Variants in EHHADH observed in about 807,000 individuals in gnomAD.
EHHADH encodes the protein peroxisomal bifunctional enzyme.
Under a neutral mutation model 64.4 loss-of-function variants are expected in EHHADH, and 48 were observed. The observed-to-expected ratio is 0.75, with a 90% CI of 0.59 to 0.95. The LOEUF is 0.95. EHHADH is among the 40% of genes least tolerant of loss of function. The pLI is 0.00. For missense variants in EHHADH, 854 were observed against 876.6 expected (o/e 0.97, Z 0.33); for synonymous variants, 308 against 326.7 (o/e 0.94, Z 0.62).
At chr3:185,198,750 G>A (rs1718142332) in intron 6 of EHHADH, among the ~76,000 whole-genome samples, 1 of 151,966 alleles carries the variant, frequency 6.6e-6, no homozygotes, top group Admixed American at 6.5e-5. Flanking sequence ...TCAGGAGGCT[G>A]AGGCACAAAG....
chr3:185,231,742 T>C (rs1719137411), intron 3 of EHHADH, among the ~76,000 whole-genome samples: 2 of 152,126 alleles, frequency 1.3e-5, no homozygotes, highest in South Asian at 2.1e-4. Context: ...ATATCCAGAA[T>C]AGGCAAATCT....
intron 2 of EHHADH, among the ~76,000 whole-genome samples, chr3:185,235,976 AT>A (rs558542026): frequency 2.0e-5 from 3 of 152,190 alleles, no homozygotes; most frequent in Non-Finnish European, 4.4e-5. Flanking sequence ...TTATATGTTA[AT>A]CAAGCAGCTT....
intron 2 of EHHADH, chr3:185,246,304 G>T: frequency 1.3e-6 from 1 of 777,460 alleles, no homozygotes; most frequent in Non-Finnish European, 2.1e-6. Flanking sequence ...TCCTCAGTTG[G>T]CTCTGGCTCC....
At chr3:185,240,633 C>G (rs2108649363) in intron 2 of EHHADH, among the ~76,000 whole-genome samples, 1 of 151,654 alleles carries the variant, frequency 6.6e-6, no homozygotes, top group South Asian at 2.1e-4. Context: ...TTTATAATTT[C>G]TAATTGTGTT....
chr3:185,235,109 G>A (rs1275975147), intron 3 of EHHADH, among the ~76,000 whole-genome samples, 181 bp downstream of exon 3: 4 of 151,164 alleles, frequency 2.6e-5, no homozygotes, highest in Non-Finnish European at 5.9e-5. Context: ...GAACTCGGGA[G>A]GTGGAGGTTG....
chr3:185,200,443 C>T (rs138852061), intron 6 of EHHADH, among the ~76,000 whole-genome samples: 9 of 152,300 alleles, frequency 5.9e-5, no homozygotes, highest in African/African-American at 1.9e-4. Context: ...GAAGGTTGAA[C>T]AGCTCTCACT....
chr3:185,193,177 G>C lies in EHHADH; in HGVS notation c.1221C>G (p.Cys407Trp). The C allele has an allele frequency of 6.2e-7, 1 of 1,612,728 alleles. No individual in the cohort carries two copies. Among genetic ancestry groups the C allele is most frequent in the Admixed American group, 1.7e-5 (1 of 59,764 alleles). Residue 407 changes from cysteine to tryptophan, a missense_variant, in exon 7 of 7, where the codon TGC (cysteine) becomes TGG (tryptophan). Cys to Trp is a radical substitution (Grantham distance 215). Transcript: ENST00000231887. ...CAACATCCAGGGCTGAAGTATTAGT[G>C]CACAAAAATGCTTCTGGTTTGCACA... is the stretch of plus-strand genomic sequence containing the variant. ...SAVCKPEAFL[C>W]TNTSALDVDE...
Position 185,204,756 on chromosome 3 carries a change from A to T in EHHADH, c.570T>A (p.Asp190Glu), listed in dbSNP as rs765105505. ...EAIRFAQRVS[D>E]QPLESRRLCN... Reference sequence around the variant, plus strand: ...AGAGTCTACGGGATTCTAGAGGTTGATCTGAAAGGAATAAGAAGGATCAGA... The same window carrying T: ...AGAGTCTACGGGATTCTAGAGGTTGTTCTGAAAGGAATAAGAAGGATCAGA... Residue 190 changes from aspartate (D) to glutamate (E), a missense_variant and splice_region_variant, in exon 6 of 7, where the codon GAT (aspartate) becomes GAA (glutamate). Coordinates refer to ENST00000231887, the MANE Select transcript of EHHADH (RefSeq NM_001966.4). 5.6e-6 allele frequency: 9 copies of T among 1,599,804 alleles called. No homozygotes were observed. Among genetic ancestry groups the T allele is most frequent in the Non-Finnish European group, 7.7e-6 (9 of 1,170,070 alleles).
intron 4 of EHHADH, among the ~76,000 whole-genome samples, chr3:185,227,399 G>A (rs1719007084): frequency 6.6e-6 from 1 of 151,972 alleles, no homozygotes; most frequent in Non-Finnish European, 1.5e-5. Context: ...GGGCGTGGTG[G>A]TGCATGCCTG....
Position 185,204,620 on chromosome 3 carries a change from C to T in EHHADH, c.706G>A (p.Ala236Thr). 6.2e-7 allele frequency: 1 copy of T among 1,614,254 alleles called. No individual in the cohort carries two copies. Among genetic ancestry groups the T allele is most frequent in the Non-Finnish European group, 8.5e-7 (1 of 1,180,038 alleles). ...GCLAQEACVR[A>T]VQAAVQYPYE... ...GGATACTGCACAGCAGCCTGGACTG[C>T]ACGGACACAAGCCTCCTGTGCAAGA... Residue 236 changes from alanine to threonine, a missense_variant, in exon 6 of 7, where the codon GCA (alanine) becomes ACA (threonine). Ala to Thr is a moderately conservative substitution (Grantham distance 58, BLOSUM62 0). Coordinates refer to ENST00000231887, the MANE Select transcript of EHHADH (RefSeq NM_001966.4).
chr3:185,246,006 C>T, intron 2 of EHHADH: 1 of 1,410,248 alleles, frequency 7.1e-7, no homozygotes, highest in South Asian at 1.2e-5. Context: ...CTATCTTCAT[C>T]TTCTAGAGCT....
chr3:185,251,929 T>C (rs1719759639), intron 1 of EHHADH, among the ~76,000 whole-genome samples: 1 of 152,114 alleles, frequency 6.6e-6, no homozygotes. Context: ...CTTGAACAGG[T>C]CTTCTGACTA....
chr3:185,213,366 G>A (rs1448201953), intron 5 of EHHADH, among the ~76,000 whole-genome samples: 1 of 151,978 alleles, frequency 6.6e-6, no homozygotes, highest in South Asian at 2.1e-4. Context: ...CCTGCTAACC[G>A]TGCTTTAACA....
chr3:185,233,730 C>T (rs1185631125), intron 3 of EHHADH, among the ~76,000 whole-genome samples: 1 of 152,212 alleles, frequency 6.6e-6, no homozygotes, highest in African/African-American at 2.4e-5. Context: ...ACTGCAACCT[C>T]CACCTTCCAG....
At chr3:185,207,407 A>T (rs1718427127) in intron 5 of EHHADH, among the ~76,000 whole-genome samples, 2 of 152,102 alleles carry the variant, frequency 1.3e-5, no homozygotes, top group Non-Finnish European at 2.9e-5. Context: ...GGTGAGGGGG[A>T]TTCAACAAGG....
Position 185,212,729 on chromosome 3 carries a change from T to C in EHHADH, c.568+5407A>G, listed in dbSNP as rs144990438. ...CCACAAAAGTCACCACTTTAAAGTG[T>C]ATAGTTCAGTGTTTTTCAGAATATT... is the stretch of plus-strand genomic sequence containing the variant. On this transcript the variant is annotated intron_variant, in intron 5 of 6. Coordinates refer to ENST00000231887, the MANE Select transcript of EHHADH (RefSeq NM_001966.4). 5.9e-5 allele frequency among the ~76,000 whole-genome samples: 9 copies of C among 152,292 alleles called. No homozygotes were observed. In the East Asian group the frequency reaches 1.5e-3, roughly 26 times the overall value.
chr3:185,247,223 T>C (rs568057959), intron 2 of EHHADH, among the ~76,000 whole-genome samples: 1 of 152,334 alleles, frequency 6.6e-6, no homozygotes, highest in African/African-American at 2.4e-5. Flanking sequence ...ATGTATTAAG[T>C]CAAGTTTCAT....
intron 4 of EHHADH, among the ~76,000 whole-genome samples, chr3:185,225,910 C>A (rs1245589329): frequency 1.3e-5 from 2 of 152,136 alleles, no homozygotes; most frequent in African/African-American, 4.8e-5. Flanking sequence ...TTTCTAGCTA[C>A]CCTACCTGAA....
In EHHADH at chr3:185,192,571, A is replaced by G; in HGVS notation, c.1827T>C (p.Ile609=). The part of the protein sequence containing the change: ...FLSRYRKTHH[I]EPRTISQDEI... ...CATCCTGGCTAATGGTACGTGGTTC[A>G]ATGTGATGGGTTTTTCTATACCGTG... Residue 609 remains isoleucine, a synonymous_variant, in exon 7 of 7, where the codon ATT becomes ATC. Coordinates refer to ENST00000231887, the MANE Select transcript of EHHADH (RefSeq NM_001966.4). The G allele has an allele frequency of 6.2e-7, 1 of 1,614,196 alleles. No homozygotes were observed. The highest frequency in any genetic ancestry group is 8.5e-7 in the Non-Finnish European group (1 of 1,180,038).
Sources: gnomAD v4.1 joint callset for allele counts (sites outside exome capture counted in the v4.1 genomes callset) on GRCh38, gnomAD v4.1.1 for gene constraint, MANE v1.5 for transcripts, NCBI Gene and HGNC (gene_info 2026-07-23, HGNC 2026-07-21) for gene names.